TRIP10: variants seen among roughly 807,000 people sequenced by gnomAD.
TRIP10 encodes the protein cdc42-interacting protein 4.
Under a neutral mutation model 80.9 loss-of-function variants are expected in TRIP10, and 54 were observed. That is an observed-to-expected ratio of 0.67 (90% CI 0.54 to 0.84). The LOEUF is 0.84. TRIP10 is among the 40% of genes least tolerant of loss of function. TRIP10 has a pLI of 0.00. For synonymous variants in TRIP10, 321 were observed against 307.2 expected, an observed-to-expected ratio of 1.04 and a Z score of -0.47; for missense variants, 773 against 815.3, an observed-to-expected ratio of 0.95 and a Z score of 0.63.
In TRIP10 at chr19:6,746,909, C is replaced by A. The variant is rs1969152756; in HGVS notation, c.1262+348C>A. Among the ~76,000 whole-genome samples the A allele has an allele frequency of 6.6e-6, 1 of 152,212 alleles. No individual in the cohort carries two copies. On this transcript the variant is annotated intron_variant, in intron 11 of 14. Transcript: ENST00000313244. The surrounding 1 kb of genome is among the most constrained non-coding windows in gnomAD (Gnocchi z 6.2). The stretch of plus-strand genomic sequence containing the variant: ...CTGCCTGCCTCAGCCTCCCATAGTG[C>A]TGGGATTATAGGCATGAGCCACTGC...
chr19:6,743,295 C>T, intron 5 of TRIP10, 39 bp downstream of exon 5: 1 of 1,610,306 alleles, frequency 6.2e-7, no homozygotes, highest in Middle Eastern at 2.1e-4. Context: ...GGCCCGGAGG[C>T]ATGGGGGCAG....
Position 6,747,948 on chromosome 19 carries a change from G to A in TRIP10, c.1262+1387G>A, listed in dbSNP as rs566118094. Among the ~76,000 whole-genome samples the A allele has an allele frequency of 1.1e-4, 17 of 149,258 alleles. 1 individual carries two copies. The South Asian group carries it at 3.6e-3, about 32-fold the overall frequency. On this transcript the variant is annotated intron_variant, in intron 11 of 14. Transcript: ENST00000313244. ...CGTAGTAAAACCCCATCTCTTAGAA[G>A]AAGAAGAAGAAAAACCCAAGTAAAT...
rs777288183 is a variant in TRIP10 at position 6,743,076 on chromosome 19, A to G, written c.307A>G (p.Thr103Ala). 1 of 1,614,188 alleles carries G rather than the reference A, an allele frequency of 6.2e-7. No individual in the cohort carries two copies. The highest frequency in any genetic ancestry group is 2.2e-5 in the East Asian group (1 of 44,868). The change falls in exon 4 of 15, where the codon ACC becomes GCC. Residue 103 changes from threonine to alanine, a missense_variant. Transcript: ENST00000313244. ...CAGTGTCCGTGTATGTCTTGAGCTGACCAAGTACTCACAAGAGATGAAACA... is the reference window on the plus strand; with the variant it reads ...CAGTGTCCGTGTATGTCTTGAGCTGGCCAAGTACTCACAAGAGATGAAACA... The part of the protein sequence containing the change: ...NLSVRVCLEL[T>A]KYSQEMKQER...
Position 6,743,788 on chromosome 19 carries a change from C to G in TRIP10, c.594C>G (p.Asn198Lys). 1 of 1,614,166 alleles carries G rather than the reference C, an allele frequency of 6.2e-7. No individual in the cohort carries two copies. The highest frequency in any genetic ancestry group is 8.5e-7 in the Non-Finnish European group (1 of 1,180,032). ...ATGCGGCTCAACTGCAGCGCTTCAA[C>G]CGAGACCAAGCCCACTTCTATTTTT... is the stretch of plus-strand genomic sequence containing the variant. ...NEYAAQLQRF[N>K]RDQAHFYFSQ... The change falls in exon 7 of 15, where the codon AAC (asparagine) becomes AAG (lysine). Residue 198 changes from asparagine (N) to lysine (K), a missense_variant. Transcript: ENST00000313244.
At chr19:6,742,760 T>TGAC (rs1389960138) in intron 3 of TRIP10, among the ~76,000 whole-genome samples, 2 of 134,942 alleles carry the variant, frequency 1.5e-5, no homozygotes, top group Non-Finnish European at 3.1e-5. Flanking sequence ...GCAGCCTGGG[T>TGAC]GACAGCAAGA....
Position 6,741,094 on chromosome 19 carries a change from G to C in TRIP10, c.109G>C (p.Glu37Gln), listed in dbSNP as rs1192473317. 1 of 1,614,100 alleles carries C rather than the reference G, an allele frequency of 6.2e-7. No homozygotes were observed. The highest frequency in any genetic ancestry group is 1.7e-5 in the Admixed American group (1 of 60,010). ...TGTAAAGTTCGTGAAAGAACGCACCGAAGTGGAACAGGCTTACGCCAAACA... is the reference window on the plus strand; with the variant it reads ...TGTAAAGTTCGTGAAAGAACGCACCCAAGTGGAACAGGCTTACGCCAAACA... Reference protein sequence around the residue: ...RYVKFVKERTEVEQAYAKQLR... With the variant: ...RYVKFVKERTQVEQAYAKQLR... The change falls in exon 2 of 15, where the codon GAA becomes CAA. Residue 37 changes from glutamate to glutamine, a missense_variant. Transcript: ENST00000313244.
chr19:6,745,695 A>G lies in TRIP10; in HGVS notation c.985-334A>G, dbSNP rs1045578020. ...ATGGGCCTCCCTGCCTCCTGGACCCATGCTTGCTCCCGGACATAACATTCC... is the reference window on the plus strand; with the variant it reads ...ATGGGCCTCCCTGCCTCCTGGACCCGTGCTTGCTCCCGGACATAACATTCC... On this transcript the variant is annotated intron_variant, in intron 9 of 14. Coordinates refer to ENST00000313244, the MANE Select transcript of TRIP10 (RefSeq NM_001288962.2). The surrounding 1 kb of genome is among the most constrained non-coding windows in gnomAD (Gnocchi z 7.2). 1.0e-6 allele frequency: 1 copy of G among 985,132 alleles called. No homozygotes were observed. The highest frequency in any genetic ancestry group is 6.2e-5 in the Admixed American group (1 of 16,244). 61.0% of individuals were successfully genotyped at this position (985,132 alleles called of 1,614,324 possible).
rs1028169066 is a variant in TRIP10 at position 6,745,185 on chromosome 19, G to A, written c.984+191G>A. The A allele has an allele frequency of 2.6e-6, 2 of 770,584 alleles. No individual in the cohort carries two copies. Among genetic ancestry groups the A allele is most frequent in the Non-Finnish European group, 4.0e-6 (2 of 501,278 alleles). The allele number at this position is 770,584 out of a possible 1,614,324, so 47.7% of individuals were successfully genotyped here. A position where few individuals can be genotyped will look rare whatever the true frequency, so the allele number is the denominator to read the frequency against. ...GGGAGTCCCCCGAGGCGAAGGCGGGGGCAGGGTGGGGAGGTGGGGAGGTCC... is the reference window on the plus strand; with the variant it reads ...GGGAGTCCCCCGAGGCGAAGGCGGGAGCAGGGTGGGGAGGTGGGGAGGTCC... On this transcript the variant is annotated intron_variant, in intron 9 of 14. Coordinates refer to ENST00000313244, the MANE Select transcript of TRIP10 (RefSeq NM_001288962.2). This position sits in a 1 kb window ranked among gnomAD's most constrained non-coding sequence, Gnocchi z 7.2.
chr19:6,748,444 G>A (rs1322262493), intron 11 of TRIP10: 1 of 152,188 alleles, frequency 6.6e-6, no homozygotes, highest in Non-Finnish European at 1.5e-5. Flanking sequence ...TGGGCAGCCT[G>A]TTTTACCTTT....
chr19:6,750,143 G>GGGGGGGGGGGGGGC, intron 12 of TRIP10, 77 bp downstream of exon 12: 15 of 842,086 alleles, frequency 1.8e-5, no homozygotes, highest in Non-Finnish European at 2.4e-5. Context: ...GGGGGTCGGG[G>GGGGGGGGGGGGGGC]ACAGGGGAGG....
At chr19:6,750,698 A>G in intron 14 of TRIP10, 65 bp downstream of exon 14, 1 of 1,593,658 alleles carries the variant, frequency 6.3e-7, no homozygotes, top group Non-Finnish European at 8.6e-7. Flanking sequence ...GGTTCAGTTT[A>G]AATTCGCCTA....
In TRIP10 at chr19:6,751,486, A is replaced by G. The variant is rs1480560799; in HGVS notation, c.*275A>G. On this transcript the variant is annotated 3_prime_UTR_variant, in exon 15 of 15. Transcript: ENST00000313244. ...CATTTTGTTTTATACAAAAATGGGA[A>G]AAAAAAAAAAGAAATTATATAAAGT... 1.4e-5 allele frequency: 9 copies of G among 643,820 alleles called. No homozygotes were observed. Among genetic ancestry groups the G allele is most frequent in the African/African-American group, 4.2e-5 (2 of 47,666 alleles). The allele number at this position is 643,820 out of a possible 1,614,324, so 39.9% of individuals were successfully genotyped here.
At chr19:6,742,169 C>G (rs1039763667) in intron 3 of TRIP10, among the ~76,000 whole-genome samples, 6 of 150,958 alleles carry the variant, frequency 4.0e-5, no homozygotes, top group Non-Finnish European at 5.9e-5. Context: ...GCAGGTGGAT[C>G]ACTTGAGGTC....
chr19:6,744,995 G>C lies in TRIP10; in HGVS notation c.984+1G>C. The C allele has an allele frequency of 6.2e-7, 1 of 1,612,714 alleles. No individual in the cohort carries two copies. The highest frequency in any genetic ancestry group is 8.5e-7 in the Non-Finnish European group (1 of 1,179,486). On this transcript the variant is annotated splice_donor_variant, in intron 9 of 14. Coordinates refer to ENST00000313244, the MANE Select transcript of TRIP10 (RefSeq NM_001288962.2). LOFTEE classifies it high-confidence loss of function. This position sits in a 1 kb window ranked among gnomAD's most constrained non-coding sequence, Gnocchi z 4.9. ...CTGGCCTTTTGGCAAGAAGAACAAG[G>C]TGGGGGCCGGGACCCTTGGGATGGT... is the stretch of plus-strand genomic sequence containing the variant.
rs1380048567 is a variant in TRIP10 at position 6,743,564 on chromosome 19, A to G, written c.479A>G (p.Gln160Arg). Reference sequence around the variant, plus strand: ...GCCCAGACTGCTGAACGGCTAGACCAGGATATCAACGCCACCAAGGCTGAT... The same window carrying G: ...GCCCAGACTGCTGAACGGCTAGACCGGGATATCAACGCCACCAAGGCTGAT... ...KAAQTAERLD[Q>R]DINATKADVE... is the part of the protein sequence containing the mutation. The change falls in exon 6 of 15, where the codon CAG becomes CGG. Residue 160 changes from glutamine to arginine, a missense_variant. By Grantham distance (43) the Gln-to-Arg change is conservative (BLOSUM62 1). Transcript: ENST00000313244. The G allele has an allele frequency of 6.8e-7, 1 of 1,476,222 alleles. No individual in the cohort carries two copies. Among genetic ancestry groups the G allele is most frequent in the Non-Finnish European group, 9.1e-7 (1 of 1,099,294 alleles). 91.4% of individuals were successfully genotyped at this position (1,476,222 alleles called of 1,614,324 possible).
In TRIP10 at chr19:6,746,354, A is replaced by C; in HGVS notation, c.1153-98A>C. 6.4e-7 allele frequency: 1 copy of C among 1,556,366 alleles called. No homozygotes were observed. The highest frequency in any genetic ancestry group is 1.2e-5 in the South Asian group (1 of 85,778). ...TCTGTGCATGGCTTCGCTGTCAAGA[A>C]CCATGGCTGGGGAAGGGAGTGAAAT... On this transcript the variant is annotated intron_variant, in intron 10 of 14. Transcript: ENST00000313244. This position sits in a 1 kb window ranked among gnomAD's most constrained non-coding sequence, Gnocchi z 6.2.
In TRIP10 at chr19:6,743,122, GC is replaced by G. The variant is rs751490815; in HGVS notation, c.345+14del. 2.1e-5 allele frequency: 34 copies of G among 1,614,030 alleles called. No individual in the cohort carries two copies. The highest frequency in any genetic ancestry group is 2.7e-5 in the African/African-American group (2 of 74,902). Reference sequence around the variant, plus strand: ...AAACAGGAGAGGAAGATGGTGAGGAGCCCCCCGATTCAGGTTTTACAAAGGG... The same window carrying G: ...AAACAGGAGAGGAAGATGGTGAGGAGCCCCCGATTCAGGTTTTACAAAGGG... On this transcript the variant is annotated intron_variant, in intron 4 of 14. Coordinates refer to ENST00000313244, the MANE Select transcript of TRIP10 (RefSeq NM_001288962.2).
In TRIP10 at chr19:6,745,154, T is replaced by G; in HGVS notation, c.984+160T>G. The G allele has an allele frequency of 1.2e-6, 1 of 818,014 alleles. No homozygotes were observed. Among genetic ancestry groups the G allele is most frequent in the Non-Finnish European group, 1.8e-6 (1 of 562,948 alleles). 50.7% of individuals were successfully genotyped at this position (818,014 alleles called of 1,614,324 possible). ...ACTGGAGGGAAGGAAGGCGGCCGAT[T>G]GGCCTGGGAGTCCCCCGAGGCGAAG... On this transcript the variant is annotated intron_variant, in intron 9 of 14. Transcript: ENST00000313244. This position sits in a 1 kb window ranked among gnomAD's most constrained non-coding sequence, Gnocchi z 7.2.
At position 6,744,415 on chromosome 19, in the gene TRIP10, C is replaced by T. The variant is rs1420680390; in HGVS notation, c.643-139C>T. On this transcript the variant is annotated intron_variant, in intron 7 of 14. Transcript: ENST00000313244. This position sits in a 1 kb window ranked among gnomAD's most constrained non-coding sequence, Gnocchi z 4.9. ...CCAACCACAGTGGGCTGGAGTCTCT[C>T]TTCCCGACTCTGTCTTCCCCTCCAG... is the stretch of plus-strand genomic sequence containing the variant. The T allele has an allele frequency of 2.3e-6, 3 of 1,291,910 alleles. No homozygotes were observed. Among genetic ancestry groups the T allele is most frequent in the Non-Finnish European group, 3.2e-6 (3 of 928,462 alleles). 80.0% of individuals were successfully genotyped at this position (1,291,910 alleles called of 1,614,324 possible).
Sources: allele counts gnomAD v4.1 joint callset (sites outside exome capture counted in the v4.1 genomes callset), GRCh38; gene constraint gnomAD v4.1.1; non-coding constraint Gnocchi (gnomAD v3.1); transcripts MANE v1.5; gene names NCBI Gene and HGNC (gene_info 2026-07-23, HGNC 2026-07-21).